The following NLGN4X variants were observed in gnomAD, a reference collection of about 807,000 sequenced individuals.
NLGN4X encodes the protein neuroligin 4 X-linked.
Under a neutral mutation model 40.3 loss-of-function variants are expected in NLGN4X, and 3 were observed. The ratio of observed to expected loss-of-function variants is 0.07; its 90% CI spans 0.03 to 0.19. The LOEUF (loss-of-function observed/expected upper bound fraction) is 0.19. Ranked by LOEUF, NLGN4X falls within the 10% of genes least tolerant of loss-of-function variation. The probability of loss-of-function intolerance (pLI) is 1.00; values close to 1 mark genes in which losing one functional copy is unlikely to be tolerated. For missense variants in NLGN4X, 382 were observed against 708.3 expected, an observed-to-expected ratio of 0.54 and a Z score of 5.23; for synonymous variants, 270 against 306.8, an observed-to-expected ratio of 0.88 and a Z score of 1.25.
chrX:6,202,098 A>G (rs1923672743), intron 1 of NLGN4X, among the ~76,000 whole-genome samples: 1 of 110,667 alleles, frequency 9.0e-6, no homozygotes, highest in African/African-American at 3.3e-5. Flanking sequence ...AAGCAGGAGC[A>G]ATAAATAAGA....
At chrX:6,062,689 G>A (rs912888464) in intron 2 of NLGN4X, among the ~76,000 whole-genome samples, 1 of 110,341 alleles carries the variant, frequency 9.1e-6, no homozygotes, top group Non-Finnish European at 1.9e-5. Flanking sequence ...TTCCCATGCT[G>A]TTCTGGTGAT....
intron 5 of NLGN4X, among the ~76,000 whole-genome samples, chrX:5,897,617 G>T (rs62583807): frequency 0.32 from 35,209 of 110,578 alleles, 5,017 homozygotes; most frequent in East Asian, 0.63. Context: ...TCAGGCACAG[G>T]CCTGGGCAAC....
intron 2 of NLGN4X, among the ~76,000 whole-genome samples, chrX:6,046,487 T>C (rs913228260): frequency 9.0e-6 from 1 of 111,628 alleles, no homozygotes; most frequent in African/African-American, 3.2e-5. Flanking sequence ...GAGGGAGTTA[T>C]AACAATCTCA....
At chrX:5,978,154 C>A (rs1440405071) in intron 3 of NLGN4X, among the ~76,000 whole-genome samples, 2 of 111,915 alleles carry the variant, frequency 1.8e-5, no homozygotes, top group Non-Finnish European at 3.8e-5. Flanking sequence ...ACATAGGATG[C>A]AAGTTAAAAA....
chrX:6,186,559 A>C (rs1922030912), intron 1 of NLGN4X, among the ~76,000 whole-genome samples: 1 of 112,478 alleles, frequency 8.9e-6, no homozygotes, highest in Non-Finnish European at 1.9e-5. Context: ...CTAGGGAGGA[A>C]AAACAGGCAA....
chrX:6,158,634 AT>A (rs913016298), intron 1 of NLGN4X, among the ~76,000 whole-genome samples: 5 of 110,812 alleles, frequency 4.5e-5, no homozygotes, highest in South Asian at 7.7e-4. Context: ...CTGCAGCCCC[AT>A]TTTTTTTTCT....
intron 2 of NLGN4X, among the ~76,000 whole-genome samples, chrX:6,054,926 G>C (rs2037583350): frequency 8.9e-6 from 1 of 112,222 alleles, no homozygotes; most frequent in Non-Finnish European, 1.9e-5. Flanking sequence ...AAAGTGCTGG[G>C]ATTACAGGCG....
chrX:6,153,257 T>C (rs1323691690), intron 1 of NLGN4X, among the ~76,000 whole-genome samples: 2 of 110,808 alleles, frequency 1.8e-5, no homozygotes, highest in Admixed American at 9.7e-5. Flanking sequence ...CACAGAACAA[T>C]AATACAATGG....
At chrX:6,117,573 C>G (rs1388938385) in intron 2 of NLGN4X, among the ~76,000 whole-genome samples, 1 of 111,666 alleles carries the variant, frequency 9.0e-6, no homozygotes, top group Non-Finnish European at 1.9e-5. Context: ...ACCAGGATTC[C>G]TGGTCCTGCC....
At chrX:5,938,475 A>AT (rs2033804505) in intron 3 of NLGN4X, among the ~76,000 whole-genome samples, 1 of 111,200 alleles carries the variant, frequency 9.0e-6, no homozygotes, top group African/African-American at 3.3e-5. Flanking sequence ...TTAAAGTTAG[A>AT]TTAGGTGTTC....
At chrX:6,210,798 A>T (rs1213091263) in intron 1 of NLGN4X, among the ~76,000 whole-genome samples, 1 of 112,451 alleles carries the variant, frequency 8.9e-6, no homozygotes. Flanking sequence ...AGACAAATCA[A>T]CCTATTGCAG....
intron 3 of NLGN4X, among the ~76,000 whole-genome samples, chrX:6,018,504 T>C (rs1211788648): frequency 3.6e-5 from 4 of 112,035 alleles, no homozygotes; most frequent in Non-Finnish European, 7.5e-5. Flanking sequence ...TTTGTTGTTC[T>C]TTTTAATGTT....
intron 5 of NLGN4X, among the ~76,000 whole-genome samples, chrX:5,894,569 T>C (rs2031384898): frequency 9.0e-6 from 1 of 111,607 alleles, no homozygotes; most frequent in South Asian, 3.8e-4. Context: ...AAGTTGTGCT[T>C]GGAAACTATG....
chrX:6,079,082 T>C (rs2038279836), intron 2 of NLGN4X, among the ~76,000 whole-genome samples: 1 of 92,438 alleles, frequency 1.1e-5, no homozygotes, highest in Non-Finnish European at 2.2e-5. Flanking sequence ...TATGCGGAAC[T>C]GTGAGTCAAT....
intron 3 of NLGN4X, among the ~76,000 whole-genome samples, chrX:5,947,677 C>T (rs2034173445): frequency 8.9e-6 from 1 of 111,833 alleles, no homozygotes; most frequent in Non-Finnish European, 1.9e-5. Flanking sequence ...GTGCCTTATA[C>T]AAGGAAATAA....
intron 2 of NLGN4X, among the ~76,000 whole-genome samples, chrX:6,057,417 G>A (rs1323657274): frequency 2.7e-5 from 3 of 111,640 alleles, no homozygotes; most frequent in Non-Finnish European, 3.8e-5. Context: ...ATGACCACAC[G>A]GACAGCTGGA....
At chrX:5,944,789 C>A (rs995316196) in intron 3 of NLGN4X, among the ~76,000 whole-genome samples, 2 of 110,358 alleles carry the variant, frequency 1.8e-5, no homozygotes, top group Non-Finnish European at 3.8e-5. Context: ...TTACTTTTGA[C>A]AAGATAATAG....
At chrX:6,114,028 C>T (rs1335308768) in intron 2 of NLGN4X, among the ~76,000 whole-genome samples, 1 of 111,286 alleles carries the variant, frequency 9.0e-6, no homozygotes, top group African/African-American at 3.3e-5. Context: ...ACCATGTTGG[C>T]CAAGCTGGTA....
At chrX:6,148,690 A>G (rs1457529890) in intron 2 of NLGN4X, among the ~76,000 whole-genome samples, 5 of 110,155 alleles carry the variant, frequency 4.5e-5, no homozygotes, top group African/African-American at 1.7e-4. Context: ...TAATTTTTGT[A>G]TTTTTAGTAG....
Sources: gnomAD v4.1 joint callset for allele counts (sites outside exome capture counted in the v4.1 genomes callset) on GRCh38, gnomAD v4.1.1 for gene constraint, MANE v1.5 for transcripts, NCBI Gene and HGNC (gene_info 2026-07-23, HGNC 2026-07-21) for gene names.